Variants in BCL9 observed in about 807,000 individuals in gnomAD.
BCL9 encodes BCL9 transcription coactivator.
Under a neutral mutation model 88.5 loss-of-function variants are expected in BCL9, and 25 were observed. The observed-to-expected ratio is 0.28, with a 90% CI of 0.21 to 0.39. BCL9 has a LOEUF of 0.39. BCL9 is among the 10% of genes least tolerant of loss of function. The pLI, the probability that BCL9 is intolerant of heterozygous loss-of-function variation, is 1.00. For missense variants in BCL9, 1,817 were observed against 1,877.8 expected, an observed-to-expected ratio of 0.97 and a Z score of 0.60; for synonymous variants, 711 against 673.3, an observed-to-expected ratio of 1.06 and a Z score of -0.87.
chr1:147,567,224 G>T (rs1039349633), intron 1 of BCL9, among the ~76,000 whole-genome samples: 5 of 152,102 alleles, frequency 3.3e-5, no homozygotes, highest in Admixed American at 6.5e-5. Flanking sequence ...AAACCCATTG[G>T]CTTTGGTGAT....
At chr1:147,600,494 G>A (rs767940448) in intron 1 of BCL9, among the ~76,000 whole-genome samples, 64 of 151,090 alleles carry the variant, frequency 4.2e-4, no homozygotes, top group Non-Finnish European at 8.1e-4. Context: ...GGGGGCCAGG[G>A]TTGCGGATTT....
Position 147,571,831 on chromosome 1 carries a change from A to C in BCL9, c.-478+30157A>C, listed in dbSNP as rs1235185769. Among the ~76,000 whole-genome samples, 8 of 152,168 alleles carry C rather than the reference A, an allele frequency of 5.3e-5. No homozygotes were observed. In the East Asian group the frequency reaches 1.5e-3, roughly 29 times the overall value. ...CTCTGCATACCTGAAGCAGCATCTAAGTTTCCTTGGTTTTGCCCCAAACTC... is the reference window on the plus strand; with the variant it reads ...CTCTGCATACCTGAAGCAGCATCTACGTTTCCTTGGTTTTGCCCCAAACTC... On this transcript the variant is annotated intron_variant, in intron 1 of 9. Transcript: ENST00000234739.
intron 1 of BCL9, among the ~76,000 whole-genome samples, chr1:147,560,548 A>C (rs1655329922): frequency 1.3e-5 from 2 of 151,008 alleles, no homozygotes; most frequent in South Asian, 4.2e-4. Flanking sequence ...CGGAGGTTGC[A>C]GTGAGCCGAG....
rs147435531 is a variant in BCL9 at position 147,624,610 on chromosome 1, C to T, written c.3932C>T (p.Pro1311Leu). 6.2e-7 allele frequency: 1 copy of T among 1,614,184 alleles called. No individual in the cohort carries two copies. The highest frequency in any genetic ancestry group is 8.5e-7 in the Non-Finnish European group (1 of 1,180,034). ...CCTCTTGGTACAGCTCCATCCATGC[C>T]AGGCCACAACCCCATGAGACCACCA... Reference protein sequence around the residue: ...DIPLGTAPSMPGHNPMRPPAF... With the variant: ...DIPLGTAPSMLGHNPMRPPAF... Residue 1311 changes from proline to leucine, a missense_variant, in exon 10 of 10, where the codon CCA (proline) becomes CTA (leucine). By Grantham distance (98) the Pro-to-Leu change is moderately conservative. Around this residue, in one of 2 missense-constraint regions of BCL9, gnomAD observed 589 missense variants for 686.2 expected, o/e 0.86. Coordinates refer to ENST00000234739, the MANE Select transcript of BCL9 (RefSeq NM_004326.4). This position sits in a 1 kb window ranked among gnomAD's most constrained non-coding sequence, Gnocchi z 4.4.
intron 4 of BCL9, among the ~76,000 whole-genome samples, chr1:147,612,453 C>T (rs1034311982): frequency 6.6e-6 from 1 of 152,126 alleles, no homozygotes; most frequent in Non-Finnish European, 1.5e-5. Flanking sequence ...TCTTTGGGAC[C>T]AGCTTGCATT....
At position 147,569,473 on chromosome 1, in the gene BCL9, C is replaced by CA. The variant is rs79619243; in HGVS notation, c.-478+27814dup. 4.1e-3 allele frequency among the ~76,000 whole-genome samples: 516 copies of CA among 124,930 alleles called. 19 individuals are homozygous for CA. In the East Asian group the frequency reaches 0.069, roughly 17 times the overall value. 82.0% of individuals were successfully genotyped at this position (124,930 alleles called of 152,430 possible). ...GTGAAACCCTGTCTCTACTAAAATA[C>CA]AAAAAAAAAAAAAAAGAAAGAAAAA... is the stretch of plus-strand genomic sequence containing the variant. On this transcript the variant is annotated intron_variant, in intron 1 of 9. Coordinates refer to ENST00000234739, the MANE Select transcript of BCL9 (RefSeq NM_004326.4).
intron 1 of BCL9, among the ~76,000 whole-genome samples, chr1:147,567,474 T>A (rs79801005): frequency 6.6e-6 from 1 of 152,186 alleles, no homozygotes; most frequent in East Asian, 1.9e-4. Context: ...ATACTTGGTA[T>A]ATGCCTAAAG....
chr1:147,570,630 C>CTTTTCTTTTTTTTTTTTTTTTTTTTTTT lies in BCL9; in HGVS notation c.-478+28960_-478+28961insCTTTTTTTTTTTTTTTTTTTTTTTTTTT. Among the ~76,000 whole-genome samples the CTTTTCTTTTTTTTTTTTTTTTTTTTTTT allele has an allele frequency of 1.3e-4, 2 of 15,184 alleles. 1 individual carries two copies. The highest frequency in any genetic ancestry group is 2.4e-4 in the Non-Finnish European group (2 of 8,442). 10.0% of individuals were successfully genotyped at this position (15,184 alleles called of 152,430 possible). ...TAACACAAAATTGTTGACTGATTTT[C>CTTTTCTTTTTTTTTTTTTTTTTTTTTTT]TTTTTTTTCTTTTTTTTTTTTGTAG... On this transcript the variant is annotated intron_variant, in intron 1 of 9. Coordinates refer to ENST00000234739, the MANE Select transcript of BCL9 (RefSeq NM_004326.4).
At chr1:147,602,358 C>G (rs1167427844) in intron 1 of BCL9, among the ~76,000 whole-genome samples, 1 of 151,722 alleles carries the variant, frequency 6.6e-6, no homozygotes, top group Admixed American at 6.6e-5. Context: ...ATTACAGGCA[C>G]GCACCACCAT....
intron 8 of BCL9, among the ~76,000 whole-genome samples, chr1:147,621,935 G>A (rs1658670511): frequency 6.6e-6 from 1 of 152,162 alleles, no homozygotes; most frequent in Admixed American, 6.5e-5. Flanking sequence ...TGATTGGCAA[G>A]GGAAAGAGAT....
intron 1 of BCL9, among the ~76,000 whole-genome samples, chr1:147,563,289 AG>A: frequency 6.6e-6 from 1 of 152,332 alleles, no homozygotes; most frequent in Non-Finnish European, 1.5e-5. Context: ...CTTCACCAAA[AG>A]TAAGCCCCTA....
At chr1:147,562,387 A>G (rs1655419549) in intron 1 of BCL9, among the ~76,000 whole-genome samples, 1 of 152,188 alleles carries the variant, frequency 6.6e-6, no homozygotes, top group Non-Finnish European at 1.5e-5. Context: ...ACAGTGGGTT[A>G]GAGAATTACA....
intron 1 of BCL9, among the ~76,000 whole-genome samples, chr1:147,577,165 C>T (rs59380064): frequency 0.038 from 5,831 of 152,168 alleles, 167 homozygotes; most frequent in African/African-American, 0.082. Flanking sequence ...TAAGTAGTTG[C>T]AGCATGAGTA....
chr1:147,549,308 C>A (rs1339035654), intron 1 of BCL9, among the ~76,000 whole-genome samples: 1 of 152,096 alleles, frequency 6.6e-6, no homozygotes, highest in Admixed American at 6.6e-5. Flanking sequence ...GCTTTTTCCC[C>A]CTAAAGCTTT....
intron 1 of BCL9, among the ~76,000 whole-genome samples, chr1:147,603,122 G>A (rs1159645595): frequency 1.3e-5 from 2 of 152,222 alleles, no homozygotes. Context: ...TAAAACTACA[G>A]TCTTACTAAC....
At position 147,611,650 on chromosome 1, in the gene BCL9, G is replaced by T; in HGVS notation, c.-187G>T. Reference sequence around the variant, plus strand: ...CCCAGAGAATGCTGGAGCTGCAAGGGGAAAGGACCCACTTCCACAGCAGAG... The same window carrying T: ...CCCAGAGAATGCTGGAGCTGCAAGGTGAAAGGACCCACTTCCACAGCAGAG... On this transcript the variant is annotated 5_prime_UTR_variant, in exon 4 of 10. The change creates a premature stop within an existing upstream ORF in the 5' untranslated region. Transcript: ENST00000234739. The T allele has an allele frequency of 1.7e-6, 1 of 597,292 alleles. No individual in the cohort carries two copies. The allele number at this position is 597,292 out of a possible 1,614,324, so 37.0% of individuals were successfully genotyped here.
rs781816772 is a variant in BCL9 at position 147,624,991 on chromosome 1, A to C, written c.*32A>C. 6.3e-7 allele frequency: 1 copy of C among 1,581,940 alleles called. No homozygotes were observed. Among genetic ancestry groups the C allele is most frequent in the East Asian group, 2.3e-5 (1 of 44,248 alleles). ...AAGATGGGATGTGCCGATCCTTGTC[A>C]AGATGAGATTCCAGGTCCTGAGAGC... On this transcript the variant is annotated 3_prime_UTR_variant, in exon 10 of 10. Coordinates refer to ENST00000234739, the MANE Select transcript of BCL9 (RefSeq NM_004326.4). This position sits in a 1 kb window ranked among gnomAD's most constrained non-coding sequence, Gnocchi z 4.4.
chr1:147,598,677 C>G (rs1657162372), intron 1 of BCL9, among the ~76,000 whole-genome samples: 1 of 152,194 alleles, frequency 6.6e-6, no homozygotes, highest in African/African-American at 2.4e-5. Flanking sequence ...AGGGAGAACA[C>G]GCAGTACACT....
chr1:147,562,848 TG>T (rs587656010), intron 1 of BCL9, among the ~76,000 whole-genome samples: 74 of 152,310 alleles, frequency 4.9e-4, no homozygotes, highest in African/African-American at 1.4e-3. Flanking sequence ...AATATCAAAA[TG>T]GCTTTCACTG....
Sources: gnomAD v4.1 joint callset for allele counts (sites outside exome capture counted in the v4.1 genomes callset) on GRCh38, gnomAD v4.1.1 for gene constraint, gnomAD v4.1.1 regional missense constraint, Gnocchi (gnomAD v3.1) non-coding constraint, MANE v1.5 for transcripts, NCBI Gene and HGNC (gene_info 2026-07-23, HGNC 2026-07-21) for gene names.